Variants in TRIM33 observed in about 807,000 individuals in gnomAD.
TRIM33 encodes the protein E3 ubiquitin-protein ligase TRIM33.
In TRIM33, 20 loss-of-function variants were observed where a neutral mutation model predicts 125.4. That is an observed-to-expected ratio of 0.16 (90% CI 0.11 to 0.23). The LOEUF (loss-of-function observed/expected upper bound fraction) is 0.23. Among genes scored for constraint, TRIM33 ranks in the 10% least tolerant of loss-of-function variants. TRIM33 has a pLI of 1.00. For synonymous variants in TRIM33, 564 were observed against 513.9 expected, an observed-to-expected ratio of 1.10 and a Z score of -1.32; for missense variants, 920 against 1,411.4, an observed-to-expected ratio of 0.65 and a Z score of 5.58.
At chr1:114,462,117 G>C (rs1026929935) in intron 4 of TRIM33, among the ~76,000 whole-genome samples, 1 of 152,094 alleles carries the variant, frequency 6.6e-6, no homozygotes, top group African/African-American at 2.4e-5. Flanking sequence ...AGCCTTTTGT[G>C]AGTAGGCTCT....
intron 1 of TRIM33, among the ~76,000 whole-genome samples, chr1:114,502,007 A>G (rs1652747191): frequency 6.6e-6 from 1 of 152,208 alleles, no homozygotes. Context: ...AAGAAGAGAC[A>G]GAGGTTAATT....
At chr1:114,419,049 ACACAAAAATTAG>A (rs1447939396) in intron 11 of TRIM33, among the ~76,000 whole-genome samples, 1 of 151,906 alleles carries the variant, frequency 6.6e-6, no homozygotes, top group Non-Finnish European at 1.5e-5. Flanking sequence ...CTCTACTAAA[ACACAAAAATTAG>A]CCAGGCCTGG....
chr1:114,463,179 T>C lies in TRIM33; in HGVS notation c.848A>G (p.Gln283Arg), dbSNP rs1650092642. Reference protein sequence around the residue: ...PVFCPVHKQEQLKLFCETCDR... With the variant: ...PVFCPVHKQERLKLFCETCDR... ...ACATGTTTCACAGAAAAGTTTCAAC[T>C]GTTCTTGTTTGTGTACAGGGCAGAA... Residue 283 changes from glutamine to arginine, a missense_variant, in exon 4 of 20, where the codon CAG becomes CGG. Around this residue, in one of 8 missense-constraint regions of TRIM33, gnomAD observed 24 missense variants for 83.9 expected, o/e 0.29. Coordinates refer to ENST00000358465, the MANE Select transcript of TRIM33 (RefSeq NM_015906.4). The C allele has an allele frequency of 1.2e-6, 2 of 1,613,354 alleles. No homozygotes were observed. The highest frequency in any genetic ancestry group is 1.3e-5 in the African/African-American group (1 of 74,920).
chr1:114,429,722 T>A (rs1305606199), intron 6 of TRIM33, among the ~76,000 whole-genome samples: 1 of 151,736 alleles, frequency 6.6e-6, no homozygotes, highest in East Asian at 1.9e-4. Context: ...GAAAAAATAA[T>A]CCCCATATCA....
chr1:114,403,131 G>T (rs1306901081), intron 15 of TRIM33, among the ~76,000 whole-genome samples: 1 of 152,118 alleles, frequency 6.6e-6, no homozygotes, highest in African/African-American at 2.4e-5. Flanking sequence ...TTAAAAGGGG[G>T]TCTCTTAGTA....
intron 4 of TRIM33, among the ~76,000 whole-genome samples, chr1:114,439,685 C>T (rs1648536267): frequency 6.6e-6 from 1 of 151,880 alleles, no homozygotes. Flanking sequence ...ATCTATAGCT[C>T]TAAGAAGCTC....
At position 114,393,993 on chromosome 1, in the gene TRIM33, A is replaced by T. The variant is rs776283359; in HGVS notation, c.*3655T>A. 1 of 225,528 alleles carries T rather than the reference A, an allele frequency of 4.4e-6. No homozygotes were observed. Among genetic ancestry groups the T allele is most frequent in the Non-Finnish European group, 8.9e-6 (1 of 112,984 alleles). The allele number at this position is 225,528 out of a possible 1,614,324, so 14.0% of individuals were successfully genotyped here. A position where few individuals can be genotyped will look rare whatever the true frequency, so the allele number is the denominator to read the frequency against. Reference sequence around the variant, plus strand: ...GTGTTATTGCTTTATCAAGGAGGAGATTAACTGTGAGGGAAAAAAAATTAA... The same window carrying T: ...GTGTTATTGCTTTATCAAGGAGGAGTTTAACTGTGAGGGAAAAAAAATTAA... On this transcript the variant is annotated 3_prime_UTR_variant, in exon 20 of 20. Transcript: ENST00000358465.
intron 17 of TRIM33, 114 bp downstream of exon 17, chr1:114,401,275 C>T (rs950818350): frequency 1.7e-5 from 10 of 605,402 alleles, no homozygotes; most frequent in Admixed American, 1.0e-4. Context: ...CCGCCTGCCT[C>T]GGCCTCCCAA....
intron 4 of TRIM33, among the ~76,000 whole-genome samples, chr1:114,442,549 G>A (rs944536143): frequency 2.6e-5 from 4 of 151,764 alleles, no homozygotes; most frequent in South Asian, 2.1e-4. Flanking sequence ...TTAGCCGAAC[G>A]TGGTGGTGGG....
intron 1 of TRIM33, among the ~76,000 whole-genome samples, chr1:114,465,777 C>G (rs1447126516): frequency 6.6e-6 from 1 of 152,116 alleles, no homozygotes; most frequent in Non-Finnish European, 1.5e-5. Flanking sequence ...CGCGGTGGCT[C>G]ACGCCTGTAA....
Position 114,511,028 on chromosome 1 carries a change from T to C in TRIM33, c.49A>G (p.Ser17Gly). The C allele has an allele frequency of 7.6e-7, 1 of 1,318,920 alleles. No individual in the cohort carries two copies. The highest frequency in any genetic ancestry group is 9.7e-7 in the Non-Finnish European group (1 of 1,033,274). The allele number at this position is 1,318,920 out of a possible 1,614,324, so 81.7% of individuals were successfully genotyped here. The change falls in exon 1 of 20, where the codon AGC (serine) becomes GGC (glycine). Residue 17 changes from serine (S) to glycine (G), a missense_variant. Physicochemically the swap from Ser to Gly is moderately conservative, Grantham distance 56 (BLOSUM62 0). Coordinates refer to ENST00000358465, the MANE Select transcript of TRIM33 (RefSeq NM_015906.4). ...GGEAESGGGG[S>G]GSAPVTAGAA... is the part of the protein sequence containing the mutation. ...CCGGCAGTTACCGGCGCGCTGCCGC[T>C]GCCCCCGCCGCCGCTCTCAGCCTCG...
In TRIM33 at chr1:114,484,498, G is replaced by A. The variant is rs575146529; in HGVS notation, c.527-20110C>T. On this transcript the variant is annotated intron_variant, in intron 1 of 19. Transcript: ENST00000358465. The stretch of plus-strand genomic sequence containing the variant: ...TCCCAGTACTTTGGGAGGCTGAGGC[G>A]GGTGGATCACCTGAGGTCAGGAGTT... Among the ~76,000 whole-genome samples the A allele has an allele frequency of 1.1e-3, 161 of 151,832 alleles. 4 individuals carry two copies. In the South Asian group the frequency reaches 0.031, roughly 29 times the overall value.
At chr1:114,493,929 G>A (rs1022590498) in intron 1 of TRIM33, among the ~76,000 whole-genome samples, 1 of 151,990 alleles carries the variant, frequency 6.6e-6, no homozygotes, top group Non-Finnish European at 1.5e-5. Context: ...TGATTCAAGC[G>A]ATTCTCCTGC....
chr1:114,501,210 AAAG>A (rs1652694826), intron 1 of TRIM33, among the ~76,000 whole-genome samples: 1 of 65,106 alleles, frequency 1.5e-5, no homozygotes, highest in Non-Finnish European at 3.3e-5. Context: ...AAAAAAAAAA[AAAG>A]AATTTGGGAG....
At chr1:114,414,027 GCACACACACACACACACA>G (rs3077592) in intron 11 of TRIM33, among the ~76,000 whole-genome samples, 25 of 130,684 alleles carry the variant, frequency 1.9e-4, no homozygotes, top group African/African-American at 3.0e-4. Flanking sequence ...TAAATCACAG[GCACACACACACACACACA>G]CACACACACA....
At chr1:114,437,161 A>G (rs887509537) in intron 4 of TRIM33, among the ~76,000 whole-genome samples, 1 of 152,212 alleles carries the variant, frequency 6.6e-6, no homozygotes. Flanking sequence ...ACAAGAAACA[A>G]GCAAACACAC....
chr1:114,401,340 T>G, intron 17 of TRIM33, 49 bp downstream of exon 17: 1 of 1,528,456 alleles, frequency 6.5e-7, no homozygotes, highest in South Asian at 1.1e-5. Flanking sequence ...GCCCATACTC[T>G]TAAGTATTAT....
chr1:114,402,648 TA>T, intron 16 of TRIM33, 111 bp downstream of exon 16: 1 of 1,267,826 alleles, frequency 7.9e-7, no homozygotes, highest in Non-Finnish European at 1.1e-6. Flanking sequence ...ATGACAGGAT[TA>T]AAAATTAAAT....
chr1:114,494,440 G>A (rs999898007), intron 1 of TRIM33, among the ~76,000 whole-genome samples: 3 of 152,128 alleles, frequency 2.0e-5, no homozygotes, highest in African/African-American at 4.8e-5. Flanking sequence ...ATCCAGCTTC[G>A]TATACTTATT....
Sources: allele counts gnomAD v4.1 joint callset (sites outside exome capture counted in the v4.1 genomes callset), GRCh38; gene constraint gnomAD v4.1.1; regional missense constraint gnomAD v4.1.1; transcripts MANE v1.5; gene names NCBI Gene and HGNC (gene_info 2026-07-23, HGNC 2026-07-21).